ANK3: variants seen among roughly 807,000 people sequenced by gnomAD.
ANK3 encodes the protein ankyrin-3.
Under a neutral mutation model 370.9 loss-of-function variants are expected in ANK3, and 57 were observed. That is an observed-to-expected ratio of 0.15 (90% CI 0.12 to 0.19). The LOEUF (loss-of-function observed/expected upper bound fraction) is 0.19. ANK3 is among the 10% of genes least tolerant of loss of function. ANK3 has a pLI of 1.00. For synonymous variants in ANK3, 1,929 were observed against 1,946.3 expected, an observed-to-expected ratio of 0.99 and a Z score of 0.23; for missense variants, 4,439 against 5,302.1, an observed-to-expected ratio of 0.84 and a Z score of 5.06.
At chr10:60,245,010 A>T (rs2097531731) in intron 7 of ANK3, among the ~76,000 whole-genome samples, 1 of 152,204 alleles carries the variant, frequency 6.6e-6, no homozygotes, top group Admixed American at 6.5e-5. Context: ...TCTACTAAAA[A>T]TACAAAAAAT....
intron 25 of ANK3, among the ~76,000 whole-genome samples, chr10:60,129,011 C>T (rs2093925033): frequency 6.6e-6 from 1 of 152,220 alleles, no homozygotes; most frequent in African/African-American, 2.4e-5. Context: ...TCATCCCAGA[C>T]AATCAGGCTT....
At chr10:60,250,232 T>C (rs201534656) in intron 7 of ANK3, among the ~76,000 whole-genome samples, 8 of 80,396 alleles carry the variant, frequency 1.0e-4, no homozygotes, top group Admixed American at 9.8e-4. Context: ...GAGGAACTTG[T>C]TAAAAACACA....
Position 60,088,197 on chromosome 10 carries a change from C to T in ANK3, c.3490G>A (p.Ala1164Thr). Reference sequence around the variant, plus strand: ...GTTAGGGCACCCTCTGGGAAAGATGCTTGAACAAGGGGCACTGTGGTGCTG... The same window carrying T: ...GTTAGGGCACCCTCTGGGAAAGATGTTTGAACAAGGGGCACTGTGGTGCTG... Reference protein sequence around the residue: ...LSSTTVPLVQASFPEGALTKR... With the variant: ...LSSTTVPLVQTSFPEGALTKR... The change falls in exon 29 of 44, where the codon GCA (alanine) becomes ACA (threonine). Residue 1164 changes from alanine (A) to threonine (T), a missense_variant. Coordinates refer to ENST00000280772, the MANE Select transcript of ANK3 (RefSeq NM_020987.5). 1.9e-6 allele frequency: 3 copies of T among 1,614,208 alleles called. No homozygotes were observed. Among genetic ancestry groups the T allele is most frequent in the Non-Finnish European group, 2.5e-6 (3 of 1,180,022 alleles).
At chr10:60,542,775 C>T (rs953491073) in intron 2 of ANK3, among the ~76,000 whole-genome samples, 5 of 151,964 alleles carry the variant, frequency 3.3e-5, no homozygotes, top group African/African-American at 1.2e-4. Flanking sequence ...GATTCCCATT[C>T]ATTCTCTGAG....
At chr10:60,326,826 C>T (rs111339648) in intron 1 of ANK3, among the ~76,000 whole-genome samples, 2 of 152,090 alleles carry the variant, frequency 1.3e-5, no homozygotes, top group Non-Finnish European at 2.9e-5. Flanking sequence ...TCGAGACCAT[C>T]CTGGCTAACA....
chr10:60,196,971 T>C (rs948995698), intron 14 of ANK3, among the ~76,000 whole-genome samples: 1 of 152,144 alleles, frequency 6.6e-6, no homozygotes, highest in Non-Finnish European at 1.5e-5. Flanking sequence ...TGGGGCTTAT[T>C]CTAGGGCTGT....
At chr10:60,462,756 A>G (rs967448956) in intron 2 of ANK3, among the ~76,000 whole-genome samples, 14 of 151,968 alleles carry the variant, frequency 9.2e-5, no homozygotes, top group Non-Finnish European at 1.9e-4. Context: ...CGAGATTCCA[A>G]CTTAATTGGC....
At chr10:60,140,695 A>C (rs1590719980) in intron 23 of ANK3, 1 of 1,237,632 alleles carries the variant, frequency 8.1e-7, no homozygotes, top group East Asian at 3.8e-5. Flanking sequence ...TGGATTAAAA[A>C]CTCCTCTGGC....
chr10:60,173,870 T>C (rs923500073), intron 18 of ANK3, among the ~76,000 whole-genome samples: 8 of 152,218 alleles, frequency 5.3e-5, no homozygotes, highest in Admixed American at 5.2e-4. Flanking sequence ...TCTGTGTGTG[T>C]ATATGTGTGT....
In ANK3 at chr10:60,644,890, T is replaced by TAAA. The variant is rs10686327; in HGVS notation, c.58-29669_58-29667dup. On this transcript the variant is annotated intron_variant, in intron 1 of 43. Transcript: ENST00000373827. Reference sequence around the variant, plus strand: ...GCCTGAATTACAGATAGTTTTAGTTTAAAAAAAAAAAAAACGATGAGTCAT... The same window carrying TAAA: ...GCCTGAATTACAGATAGTTTTAGTTTAAAAAAAAAAAAAAAAACGATGAGTCAT... Among the ~76,000 whole-genome samples the TAAA allele has an allele frequency of 5.7e-3, 713 of 125,928 alleles. 14 individuals carry two copies. Among genetic ancestry groups the TAAA allele is most frequent in the South Asian group, 0.011 (37 of 3,404 alleles). The allele number at this position is 125,928 out of a possible 152,430, so 82.6% of individuals were successfully genotyped here.
chr10:60,631,254 C>A (rs1440100296), intron 1 of ANK3, among the ~76,000 whole-genome samples: 1 of 152,132 alleles, frequency 6.6e-6, no homozygotes, highest in Non-Finnish European at 1.5e-5. Context: ...ACTGGCCGGG[C>A]ATGGTGGCTC....
At chr10:60,648,158 C>CCTTT (rs1554800551) in intron 1 of ANK3, among the ~76,000 whole-genome samples, 1 of 101,582 alleles carries the variant, frequency 9.8e-6, no homozygotes, top group African/African-American at 3.9e-5. Flanking sequence ...TTTTTTTTTC[C>CCTTT]TTTTTTTTTT....
chr10:60,225,418 G>A (rs2097124684), intron 8 of ANK3, among the ~76,000 whole-genome samples: 1 of 152,166 alleles, frequency 6.6e-6, no homozygotes, highest in Non-Finnish European at 1.5e-5. Flanking sequence ...ATTTATAGAT[G>A]AGAAAACTTC....
At chr10:60,590,590 T>C (rs910903285) in intron 2 of ANK3, among the ~76,000 whole-genome samples, 37 of 152,350 alleles carry the variant, frequency 2.4e-4, no homozygotes, top group African/African-American at 7.9e-4. Flanking sequence ...AATGGTTATA[T>C]ATATCTGCAG....
chr10:60,204,700 G>A (rs1335476550), intron 11 of ANK3, among the ~76,000 whole-genome samples: 3 of 152,062 alleles, frequency 2.0e-5, no homozygotes, highest in Non-Finnish European at 2.9e-5. Flanking sequence ...GTGGGTATAT[G>A]AAGACCAGTC....
intron 13 of ANK3, among the ~76,000 whole-genome samples, 193 bp from the exon 14 acceptor site, chr10:60,198,730 C>A (rs2096625374): frequency 6.6e-6 from 1 of 152,122 alleles, no homozygotes; most frequent in Non-Finnish European, 1.5e-5. Context: ...TAATTAAATA[C>A]CTGTGGAGAG....
chr10:60,113,043 A>G (rs2092824206), intron 26 of ANK3, among the ~76,000 whole-genome samples: 3 of 152,200 alleles, frequency 2.0e-5, no homozygotes, highest in East Asian at 3.9e-4. Context: ...AGAATCCAGT[A>G]TCTAAAGATA....
intron 8 of ANK3, among the ~76,000 whole-genome samples, chr10:60,224,861 C>A (rs2097113341): frequency 6.6e-6 from 1 of 151,802 alleles, no homozygotes; most frequent in African/African-American, 2.4e-5. Flanking sequence ...TAAAGGGCAT[C>A]ACTTACAGTC....
chr10:60,269,991 T>C, intron 5 of ANK3, 140 bp downstream of exon 5: 1 of 451,482 alleles, frequency 2.2e-6, no homozygotes. Context: ...CTTATAGTAA[T>C]GTATTTCATA....
Sources: allele counts gnomAD v4.1 joint callset (sites outside exome capture counted in the v4.1 genomes callset), GRCh38; gene constraint gnomAD v4.1.1; transcripts MANE v1.5; gene names NCBI Gene and HGNC (gene_info 2026-07-23, HGNC 2026-07-21).